Variants in MAGI2 observed in about 807,000 individuals in gnomAD.
The protein encoded by MAGI2 is membrane-associated guanylate kinase, WW and PDZ domain-containing protein 2.
MAGI2 carries 35 observed loss-of-function variants against 133.3 expected under a neutral mutation model. The observed-to-expected ratio is 0.26, with a 90% CI of 0.20 to 0.35. MAGI2 has a LOEUF of 0.35. Among genes scored for constraint, MAGI2 ranks in the 10% least tolerant of loss-of-function variants. The pLI is 1.00. For missense variants in MAGI2, 1,636 were observed against 1,863.4 expected, an observed-to-expected ratio of 0.88 and a Z score of 2.25; for synonymous variants, 729 against 710.6, an observed-to-expected ratio of 1.03 and a Z score of -0.41.
At chr7:78,538,785 C>A (rs1276867989) in intron 3 of MAGI2, among the ~76,000 whole-genome samples, 2 of 152,126 alleles carry the variant, frequency 1.3e-5, no homozygotes, top group Non-Finnish European at 2.9e-5. Flanking sequence ...ATATCATTGG[C>A]AAACAGCAAC....
At chr7:78,608,459 A>ATGTG (rs10649002) in intron 3 of MAGI2, among the ~76,000 whole-genome samples, 33 of 147,188 alleles carry the variant, frequency 2.2e-4, no homozygotes, top group African/African-American at 7.6e-4. Flanking sequence ...GTATATATAT[A>ATGTG]TGTGTGTGTA....
intron 1 of MAGI2, among the ~76,000 whole-genome samples, chr7:79,183,783 G>A (rs761413841): frequency 1.5e-4 from 23 of 151,806 alleles, no homozygotes; most frequent in East Asian, 5.8e-4. Context: ...GAATATATAC[G>A]CAAGGAAATA....
At chr7:78,612,755 C>T (rs1806599630) in intron 3 of MAGI2, among the ~76,000 whole-genome samples, 1 of 151,984 alleles carries the variant, frequency 6.6e-6, no homozygotes, top group Admixed American at 6.6e-5. Flanking sequence ...GTGCAACCTC[C>T]GCCTCCCAGG....
intron 1 of MAGI2, among the ~76,000 whole-genome samples, chr7:79,291,689 G>A (rs1836500375): frequency 6.6e-6 from 1 of 152,074 alleles, no homozygotes; most frequent in South Asian, 2.1e-4. Flanking sequence ...CTTTTCACAT[G>A]CTCATTGGAT....
intron 20 of MAGI2, among the ~76,000 whole-genome samples, chr7:78,107,582 G>A (rs902711130): frequency 7.9e-5 from 12 of 151,766 alleles, no homozygotes; most frequent in African/African-American, 2.7e-4. Context: ...TTATTTCTAG[G>A]CATTTTATTT....
At chr7:78,755,167 T>C (rs1457472535) in intron 2 of MAGI2, among the ~76,000 whole-genome samples, 2 of 152,174 alleles carry the variant, frequency 1.3e-5, no homozygotes, top group Admixed American at 1.3e-4. Flanking sequence ...TAAGAATTTA[T>C]CAGAACGGGA....
chr7:78,562,739 T>C (rs895707597), intron 3 of MAGI2, among the ~76,000 whole-genome samples: 35 of 152,140 alleles, frequency 2.3e-4, no homozygotes, highest in African/African-American at 8.4e-4. Context: ...TGGGCAATAA[T>C]TGGATGTGTG....
At chr7:78,478,083 C>T (rs1020441437) in intron 6 of MAGI2, among the ~76,000 whole-genome samples, 3 of 151,740 alleles carry the variant, frequency 2.0e-5, no homozygotes, top group Non-Finnish European at 2.9e-5. Flanking sequence ...AGCTCCCTAT[C>T]CCCCAACAGG....
intron 1 of MAGI2, among the ~76,000 whole-genome samples, chr7:79,243,388 C>T (rs113406993): frequency 0.039 from 5,886 of 152,136 alleles, 181 homozygotes; most frequent in African/African-American, 0.079. Flanking sequence ...GCCTCATGTA[C>T]GCTTTCAGAA....
intron 20 of MAGI2, among the ~76,000 whole-genome samples, chr7:78,103,277 T>G (rs990224046): frequency 1.3e-5 from 2 of 152,242 alleles, no homozygotes; most frequent in African/African-American, 4.8e-5. Context: ...CACATTTTAA[T>G]TTTTGGTTTT....
At chr7:79,433,209 C>T (rs1847895852) in intron 1 of MAGI2, among the ~76,000 whole-genome samples, 2 of 152,028 alleles carry the variant, frequency 1.3e-5, no homozygotes, top group Admixed American at 1.3e-4. Flanking sequence ...AGAGGTAGGG[C>T]AATGGGGTCT....
chr7:79,330,938 C>T (rs1316212594), intron 1 of MAGI2, among the ~76,000 whole-genome samples: 1 of 152,134 alleles, frequency 6.6e-6, no homozygotes, highest in African/African-American at 2.4e-5. Context: ...GTTATTTAGA[C>T]ATTCCTTCAC....
At chr7:78,065,509 G>T (rs1813721506) in intron 21 of MAGI2, 1 of 626,768 alleles carries the variant, frequency 1.6e-6, no homozygotes, top group East Asian at 2.7e-5. Flanking sequence ...TTATACATCA[G>T]TTAAAAACAT....
Position 78,127,344 on chromosome 7 carries a change from C to T in MAGI2, c.3276G>A (p.Arg1092=). ...DIRQPPFTDY[R]QPPLDYRQPP... The stretch of plus-strand genomic sequence containing the variant: ...GTTGCCTGTAATCCAGCGGGGGCTG[C>T]CTGTAGTCTGTGAATGGAGGCTGTC... The change falls in exon 19 of 22, where the codon AGG becomes AGA. Residue 1092 remains arginine, a synonymous_variant. Coordinates refer to ENST00000354212, the MANE Select transcript of MAGI2 (RefSeq NM_012301.4). The T allele has an allele frequency of 6.2e-7, 1 of 1,610,712 alleles. No homozygotes were observed. The highest frequency in any genetic ancestry group is 8.5e-7 in the Non-Finnish European group (1 of 1,179,944).
chr7:78,307,157 T>C (rs190009520), intron 9 of MAGI2, among the ~76,000 whole-genome samples: 6 of 152,302 alleles, frequency 3.9e-5, no homozygotes, highest in Admixed American at 1.3e-4. Flanking sequence ...AGTTCTATAA[T>C]TTTAGACGAC....
At chr7:79,054,255 A>G (rs1812937455) in intron 1 of MAGI2, among the ~76,000 whole-genome samples, 1 of 152,206 alleles carries the variant, frequency 6.6e-6, no homozygotes, top group Non-Finnish European at 1.5e-5. Context: ...AGTTAAACTG[A>G]GAAAAAATAG....
intron 2 of MAGI2, among the ~76,000 whole-genome samples, chr7:78,744,807 T>C (rs999557314): frequency 1.3e-5 from 2 of 152,170 alleles, no homozygotes; most frequent in African/African-American, 2.4e-5. Flanking sequence ...ATAGGCTAAA[T>C]AGAAAAAATA....
rs961337592 is a variant in MAGI2, at chr7:78,163,927, A to G, written c.2597-3654T>C. Among the ~76,000 whole-genome samples, 225 of 150,084 alleles carry G rather than the reference A, an allele frequency of 1.5e-3. 1 individual carries two copies. The highest frequency in any genetic ancestry group is 1.5e-3 in the Non-Finnish European group (103 of 67,274). On this transcript the variant is annotated intron_variant, in intron 15 of 21. Transcript: ENST00000354212. ...GTCTCAAAAAAAAAAAAAAAAATTA[A>G]TTGCCAATGTTTGTAAATAGGGAGA...
At chr7:78,897,973 A>T (rs553642698) in intron 2 of MAGI2, among the ~76,000 whole-genome samples, 1 of 152,330 alleles carries the variant, frequency 6.6e-6, no homozygotes, top group African/African-American at 2.4e-5. Flanking sequence ...GAGCATCTAT[A>T]AGGAACTTAA....
Sources: gnomAD v4.1 joint callset for allele counts (sites outside exome capture counted in the v4.1 genomes callset) on GRCh38, gnomAD v4.1.1 for gene constraint, MANE v1.5 for transcripts, NCBI Gene and HGNC (gene_info 2026-07-23, HGNC 2026-07-21) for gene names.